Variants in CLIP2 observed in about 807,000 individuals in gnomAD.
CLIP2 encodes the protein CAP-Gly domain containing linker protein 2.
Under a neutral mutation model 111.7 loss-of-function variants are expected in CLIP2, and 41 were observed. The observed-to-expected ratio is 0.37, with a 90% CI of 0.29 to 0.48. CLIP2 has a LOEUF of 0.48. Among genes scored for constraint, CLIP2 ranks in the 20% least tolerant of loss-of-function variants. The pLI is 0.99. For synonymous variants in CLIP2, 660 were observed against 644.2 expected, an observed-to-expected ratio of 1.02 and a Z score of -0.37; for missense variants, 1,160 against 1,422.1, an observed-to-expected ratio of 0.82 and a Z score of 2.96.
chr7:74,325,380 C>T (rs1278700448), intron 2 of CLIP2, among the ~76,000 whole-genome samples: 5 of 152,160 alleles, frequency 3.3e-5, no homozygotes, highest in East Asian at 1.9e-4. Context: ...ACAGCCTGGC[C>T]GGGTGTGACC....
At chr7:74,305,358 A>T (rs1010486121) in intron 1 of CLIP2, among the ~76,000 whole-genome samples, 1 of 152,070 alleles carries the variant, frequency 6.6e-6, no homozygotes, top group Non-Finnish European at 1.5e-5. Flanking sequence ...GGCTGGTCCC[A>T]TTCCTGCCCA....
chr7:74,349,423 C>G (rs1288893446), intron 3 of CLIP2, among the ~76,000 whole-genome samples: 1 of 70,448 alleles, frequency 1.4e-5, no homozygotes, highest in Non-Finnish European at 2.6e-5. Flanking sequence ...AAGCGAGACT[C>G]TGTCTCAAAA....
intron 1 of CLIP2, among the ~76,000 whole-genome samples, chr7:74,294,697 C>A (rs1788122372): frequency 6.6e-6 from 1 of 152,212 alleles, no homozygotes; most frequent in African/African-American, 2.4e-5. Context: ...GGTGCTCCAG[C>A]CCCTGCCCAC....
chr7:74,305,383 G>T (rs1190538666), intron 1 of CLIP2, among the ~76,000 whole-genome samples: 4 of 152,152 alleles, frequency 2.6e-5, no homozygotes, highest in African/African-American at 9.7e-5. Flanking sequence ...TCGTTGGGTT[G>T]CCCTCAGGTT....
At chr7:74,340,359 G>A (rs564378151) in intron 3 of CLIP2, among the ~76,000 whole-genome samples, 52 of 152,244 alleles carry the variant, frequency 3.4e-4, no homozygotes, top group African/African-American at 1.2e-3. Flanking sequence ...TCATGCCACT[G>A]CACTCCAGCC....
intron 1 of CLIP2, among the ~76,000 whole-genome samples, chr7:74,296,788 CAA>C (rs3044389): frequency 1.3e-4 from 16 of 120,128 alleles, no homozygotes; most frequent in Non-Finnish European, 1.5e-4. Context: ...GATTTTGTCT[CAA>C]AAAAAAAAAA....
chr7:74,339,498 G>A (rs1789593583), intron 3 of CLIP2, among the ~76,000 whole-genome samples: 1 of 151,906 alleles, frequency 6.6e-6, no homozygotes, highest in African/African-American at 2.4e-5. Flanking sequence ...TAGAGACGGG[G>A]TTTCACCATG....
At chr7:74,353,746 C>G (rs1790073398) in intron 3 of CLIP2, 134 bp from the exon 4 acceptor site, 2 of 1,215,308 alleles carry the variant, frequency 1.6e-6, no homozygotes, top group Non-Finnish European at 1.2e-6. Flanking sequence ...AGGTGTCTCT[C>G]CCTCCCCACT....
chr7:74,379,599 C>G (rs1315917795), intron 10 of CLIP2, among the ~76,000 whole-genome samples: 7 of 152,152 alleles, frequency 4.6e-5, no homozygotes, highest in African/African-American at 1.7e-4. Context: ...CCCGTCTCTA[C>G]TAAAAATACA....
rs547934474 is a variant in CLIP2, at chr7:74,305,520, G to A, written c.-67-11960G>A. Among the ~76,000 whole-genome samples the A allele has an allele frequency of 2.0e-5, 3 of 152,242 alleles. No individual in the cohort carries two copies. In the South Asian group the frequency reaches 6.2e-4, roughly 32 times the overall value. ...GTTGTTTGTTTGTTTTTGAGACGGA[G>A]TCTCACTTTGTCGCCCAGGCTGGAG... On this transcript the variant is annotated intron_variant, in intron 1 of 16. Transcript: ENST00000223398.
intron 8 of CLIP2, among the ~76,000 whole-genome samples, chr7:74,367,187 T>TA (rs1186528788): frequency 5.3e-5 from 8 of 152,006 alleles, no homozygotes; most frequent in African/African-American, 1.7e-4. Context: ...TTATTTTGTT[T>TA]AAAAAAAATT....
Position 74,376,164 on chromosome 7 carries a change from A to C in CLIP2, c.1763A>C (p.Tyr588Ser). The C allele has an allele frequency of 6.2e-7, 1 of 1,611,588 alleles. No individual in the cohort carries two copies. The highest frequency in any genetic ancestry group is 8.5e-7 in the Non-Finnish European group (1 of 1,178,898). ...VDKLRAANEK[Y>S]AQEVAGLKDK... is the part of the protein sequence containing the mutation. ...AAGCTCCGCGCGGCCAACGAGAAGT[A>C]CGCACAGGAGGTGGCGGGCCTGAAG... Residue 588 changes from tyrosine to serine, a missense_variant, in exon 10 of 17, where the codon TAC becomes TCC. Transcript: ENST00000223398. This position sits in a 1 kb window ranked among gnomAD's most constrained non-coding sequence, Gnocchi z 7.1.
chr7:74,393,814 C>A (rs1183851789), intron 13 of CLIP2, among the ~76,000 whole-genome samples: 1 of 152,198 alleles, frequency 6.6e-6, no homozygotes, highest in African/African-American at 2.4e-5. Context: ...GAAACAGATG[C>A]GATGAGGCAA....
intron 2 of CLIP2, among the ~76,000 whole-genome samples, chr7:74,329,518 G>T (rs1789216211): frequency 6.6e-6 from 1 of 152,098 alleles, no homozygotes; most frequent in Admixed American, 6.6e-5. Context: ...TGAAGTTGCT[G>T]TTTCTCAAGC....
intron 4 of CLIP2, among the ~76,000 whole-genome samples, chr7:74,355,357 C>T (rs1489692189): frequency 2.0e-5 from 3 of 152,144 alleles, no homozygotes; most frequent in Non-Finnish European, 4.4e-5. Context: ...TGTTTGTAAT[C>T]CCAGCACTTT....
At chr7:74,394,014 A>G (rs1791368367) in intron 13 of CLIP2, among the ~76,000 whole-genome samples, 1 of 152,084 alleles carries the variant, frequency 6.6e-6, no homozygotes, top group East Asian at 1.9e-4. Context: ...TTTCCGCCCT[A>G]TCTCAGCCGC....
chr7:74,379,298 C>T (rs531819769), intron 10 of CLIP2, among the ~76,000 whole-genome samples: 4 of 150,962 alleles, frequency 2.6e-5, no homozygotes, highest in African/African-American at 7.3e-5. Context: ...CACTGCACTC[C>T]GGCCTGGGCA....
intron 1 of CLIP2, among the ~76,000 whole-genome samples, chr7:74,291,491 C>G (rs1386321839): frequency 1.3e-5 from 2 of 152,236 alleles, no homozygotes; most frequent in African/African-American, 4.8e-5. Flanking sequence ...TGTGACCTTG[C>G]ACATTGCATC....
In CLIP2 at chr7:74,296,560, C is replaced by T. The variant is rs1584300574; in HGVS notation, c.-68+6826C>T. ...ATCCCAGCACTTTGGGAGGCTGAGG[C>T]AGGCAGATCATGAGGTCAGGAGTTC... is the stretch of plus-strand genomic sequence containing the variant. On this transcript the variant is annotated intron_variant, in intron 1 of 16. Transcript: ENST00000223398. Among the ~76,000 whole-genome samples, 3 of 151,826 alleles carry T rather than the reference C, an allele frequency of 2.0e-5. No individual in the cohort carries two copies. The East Asian group carries it at 5.8e-4, about 29-fold the overall frequency.
Sources: allele counts gnomAD v4.1 joint callset (sites outside exome capture counted in the v4.1 genomes callset), GRCh38; gene constraint gnomAD v4.1.1; non-coding constraint Gnocchi (gnomAD v3.1); transcripts MANE v1.5; gene names NCBI Gene and HGNC (gene_info 2026-07-23, HGNC 2026-07-21).